The following ELOVL4 variants were observed in gnomAD, a reference collection of about 807,000 sequenced individuals.
ELOVL4 encodes the protein ELOVL fatty acid elongase 4.
In ELOVL4, 18 loss-of-function variants were observed where a neutral mutation model predicts 42.1. That is an observed-to-expected ratio of 0.43 (90% CI 0.30 to 0.63). ELOVL4 has a LOEUF of 0.63. Among genes scored for constraint, ELOVL4 ranks in the 30% least tolerant of loss-of-function variants. The pLI is 0.15. For synonymous variants in ELOVL4, 117 were observed against 127.0 expected, an observed-to-expected ratio of 0.92 and a Z score of 0.53; for missense variants, 299 against 376.2, an observed-to-expected ratio of 0.79 and a Z score of 1.70.
At chr6:79,920,422 T>C (rs989130901) in intron 4 of ELOVL4, among the ~76,000 whole-genome samples, 3 of 152,192 alleles carry the variant, frequency 2.0e-5, no homozygotes, top group Non-Finnish European at 4.4e-5. Context: ...CAAGGCTATA[T>C]AAAATTTCCT....
Position 79,916,708 on chromosome 6 carries a change from G to C in ELOVL4, c.845C>G (p.Ala282Gly). The C allele has an allele frequency of 6.2e-7, 1 of 1,614,066 alleles. No individual in the cohort carries two copies. The highest frequency in any genetic ancestry group is 2.2e-5 in the East Asian group (1 of 44,872). The change falls in exon 6 of 6, where the codon GCC becomes GGC. Residue 282 changes from alanine to glycine, a missense_variant. Ala to Gly is a moderately conservative substitution (Grantham distance 60). Transcript: ENST00000369816. The part of the protein sequence containing the change: ...EPKKPKAGKT[A>G]MNGISANGVS... ...ACCATTTGCTGAAATACCATTCATG[G>C]CTGTTTTTCCAGCTTTTGGTTTCTT...
chr6:79,934,399 T>A (rs1424727185), intron 1 of ELOVL4, among the ~76,000 whole-genome samples: 1 of 152,038 alleles, frequency 6.6e-6, no homozygotes, highest in Non-Finnish European at 1.5e-5. Flanking sequence ...CTTTTTTTAA[T>A]GAGGAAATAG....
chr6:79,927,043 A>G (rs1045111111), intron 1 of ELOVL4, among the ~76,000 whole-genome samples: 6 of 152,230 alleles, frequency 3.9e-5, no homozygotes, highest in Non-Finnish European at 8.8e-5. Context: ...TAGAGCTGTA[A>G]ATCGCATAAC....
At chr6:79,919,189 T>A (rs930042426) in intron 5 of ELOVL4, among the ~76,000 whole-genome samples, 11 of 152,006 alleles carry the variant, frequency 7.2e-5, no homozygotes, top group Admixed American at 2.6e-4. Context: ...CTTAGAGGAG[T>A]AAGGGCTATG....
intron 3 of ELOVL4, 73 bp downstream of exon 3, chr6:79,924,879 T>C: frequency 1.1e-6 from 1 of 932,616 alleles, no homozygotes; most frequent in Non-Finnish European, 1.8e-6. Flanking sequence ...AAGTACATTC[T>C]ATATTTTCAC....
chr6:79,933,174 G>A (rs1370440136), intron 1 of ELOVL4, among the ~76,000 whole-genome samples: 2 of 152,138 alleles, frequency 1.3e-5, no homozygotes, highest in Non-Finnish European at 2.9e-5. Flanking sequence ...ACTACACTGA[G>A]GATGCTGGAA....
chr6:79,936,881 T>C (rs778453527), intron 1 of ELOVL4, among the ~76,000 whole-genome samples: 4 of 152,156 alleles, frequency 2.6e-5, no homozygotes, highest in Non-Finnish European at 5.9e-5. Flanking sequence ...GGGTGAAGAA[T>C]AGCATGATCA....
intron 2 of ELOVL4, among the ~76,000 whole-genome samples, chr6:79,925,521 G>C (rs1774328351): frequency 6.6e-6 from 1 of 152,232 alleles, no homozygotes; most frequent in African/African-American, 2.4e-5. Flanking sequence ...TCAGTTCTCT[G>C]GCTTCATACA....
chr6:79,929,398 A>AC (rs1464797143), intron 1 of ELOVL4, among the ~76,000 whole-genome samples: 1 of 151,816 alleles, frequency 6.6e-6, no homozygotes, highest in East Asian at 1.9e-4. Context: ...ACGCCAACAC[A>AC]CCCTATTACT....
intron 1 of ELOVL4, among the ~76,000 whole-genome samples, chr6:79,935,891 A>C (rs1390591341): frequency 6.6e-6 from 1 of 152,210 alleles, no homozygotes; most frequent in Admixed American, 6.5e-5. Flanking sequence ...TCCATGCACC[A>C]GCAGAAAAGC....
intron 1 of ELOVL4, among the ~76,000 whole-genome samples, chr6:79,946,020 A>T (rs1774734225): frequency 6.6e-6 from 1 of 152,230 alleles, no homozygotes; most frequent in African/African-American, 2.4e-5. Context: ...AGCCCTATGT[A>T]TCGGACTACA....
chr6:79,943,427 T>C (rs576177936), intron 1 of ELOVL4, among the ~76,000 whole-genome samples: 1 of 152,244 alleles, frequency 6.6e-6, no homozygotes, highest in Admixed American at 6.5e-5. Flanking sequence ...CTCCAAATAC[T>C]CTGACAGTAC....
At position 79,924,995 on chromosome 6, in the gene ELOVL4, A is replaced by G; in HGVS notation, c.326T>C (p.Ile109Thr). The change falls in exon 3 of 6, where the codon ATT (isoleucine) becomes ACT (threonine). Residue 109 changes from isoleucine (I) to threonine (T), a missense_variant. Coordinates refer to ENST00000369816, the MANE Select transcript of ELOVL4 (RefSeq NM_022726.4). Reference protein sequence around the residue: ...MGSYNAGYSYICQSVDYSNNV... With the variant: ...MGSYNAGYSYTCQSVDYSNNV... ...ATTAGAATAATCCACACTCTGGCAA[A>G]TATAGCTATATCCCGCATTATATGA... 6.2e-7 allele frequency: 1 copy of G among 1,607,720 alleles called. No homozygotes were observed.
intron 4 of ELOVL4, 57 bp downstream of exon 4, chr6:79,921,568 T>C (rs1230419180): frequency 1.3e-6 from 2 of 1,512,746 alleles, no homozygotes; most frequent in Non-Finnish European, 1.8e-6. Context: ...CTCATTGCTT[T>C]CCACTGAACA....
intron 1 of ELOVL4, among the ~76,000 whole-genome samples, chr6:79,944,144 T>C (rs193038556): frequency 6.6e-6 from 1 of 152,228 alleles, no homozygotes; most frequent in Non-Finnish European, 1.5e-5. Flanking sequence ...TAAACATTTA[T>C]TAAAAGCATG....
intron 1 of ELOVL4, among the ~76,000 whole-genome samples, chr6:79,944,449 A>G (rs764853603): frequency 2.4e-4 from 37 of 152,236 alleles, no homozygotes; most frequent in Non-Finnish European, 5.1e-4. Flanking sequence ...ACAGAGAAAT[A>G]AAAATTATTT....
intron 1 of ELOVL4, among the ~76,000 whole-genome samples, chr6:79,929,416 T>C (rs1174540627): frequency 1.3e-5 from 2 of 152,142 alleles, no homozygotes; most frequent in East Asian, 3.9e-4. Context: ...ACTTTTTGTA[T>C]TTTTTGTAGA....
intron 1 of ELOVL4, among the ~76,000 whole-genome samples, chr6:79,927,934 C>T (rs928092027): frequency 2.0e-5 from 3 of 152,154 alleles, no homozygotes; most frequent in African/African-American, 7.2e-5. Flanking sequence ...GATAGCACGG[C>T]TGACTTTTGT....
intron 2 of ELOVL4, 109 bp from the exon 3 acceptor site, chr6:79,925,141 C>A: frequency 1.3e-6 from 1 of 757,876 alleles, no homozygotes; most frequent in African/African-American, 1.8e-5. Context: ...ACAATATTTT[C>A]TTTAAAAATT....
Sources: allele counts gnomAD v4.1 joint callset (sites outside exome capture counted in the v4.1 genomes callset), GRCh38; gene constraint gnomAD v4.1.1; transcripts MANE v1.5; gene names NCBI Gene and HGNC (gene_info 2026-07-23, HGNC 2026-07-21).